NAALADL2: variants seen among roughly 807,000 people sequenced by gnomAD.
NAALADL2 encodes inactive N-acetylated-alpha-linked acidic dipeptidase-like protein 2.
Under a neutral mutation model 87.2 loss-of-function variants are expected in NAALADL2, and 76 were observed. That is an observed-to-expected ratio of 0.87 (90% CI 0.72 to 1.05). The LOEUF (loss-of-function observed/expected upper bound fraction) is 1.05. Ranked by LOEUF, NAALADL2 falls within the 50% of genes least tolerant of loss-of-function variation. The probability of loss-of-function intolerance (pLI) is 0.00; values close to 1 mark genes in which losing one functional copy is unlikely to be tolerated. For missense variants in NAALADL2, 1,089 were observed against 945.8 expected (o/e 1.15, Z -1.99); for synonymous variants, 354 against 331.0 (o/e 1.07, Z -0.75).
intron 1 of NAALADL2, among the ~76,000 whole-genome samples, chr3:174,970,392 TA>T (rs1160544670): frequency 1.3e-5 from 2 of 152,154 alleles, no homozygotes; most frequent in East Asian, 3.8e-4. Context: ...AAAAACAGAC[TA>T]AAGACCTGGA....
intron 10 of NAALADL2, among the ~76,000 whole-genome samples, chr3:175,623,395 A>G (rs1385733289): frequency 6.6e-6 from 1 of 152,098 alleles, no homozygotes; most frequent in East Asian, 1.9e-4. Context: ...TAAAATCTTG[A>G]GGTCTGCTCT....
intron 8 of NAALADL2, among the ~76,000 whole-genome samples, chr3:175,468,165 T>C (rs1315217325): frequency 4.6e-5 from 7 of 152,264 alleles, no homozygotes; most frequent in African/African-American, 1.4e-4. Context: ...AGATAGCAAG[T>C]ATCTTTTTTA....
At chr3:174,897,921 G>A (rs1414551899) in intron 1 of NAALADL2, among the ~76,000 whole-genome samples, 5 of 137,732 alleles carry the variant, frequency 3.6e-5, no homozygotes, top group African/African-American at 1.4e-4. Context: ...AGACCATCCC[G>A]GCTAAAACGG....
At chr3:174,957,994 C>T (rs1409685588) in intron 1 of NAALADL2, among the ~76,000 whole-genome samples, 1 of 151,854 alleles carries the variant, frequency 6.6e-6, no homozygotes, top group Non-Finnish European at 1.5e-5. Flanking sequence ...GACATCTTTT[C>T]TTTCTCTGAC....
chr3:175,631,189 A>C (rs1727711758), intron 11 of NAALADL2, among the ~76,000 whole-genome samples: 1 of 151,752 alleles, frequency 6.6e-6, no homozygotes, highest in Non-Finnish European at 1.5e-5. Flanking sequence ...TAATTTCTAC[A>C]TATTAGGAAG....
At position 174,978,257 on chromosome 3, in the gene NAALADL2, G is replaced by C. The variant is rs116529656; in HGVS notation, c.44-118533G>C. Among the ~76,000 whole-genome samples, 702 of 152,258 alleles carry C rather than the reference G, an allele frequency of 4.6e-3. 3 individuals are homozygous for C. Among genetic ancestry groups the C allele is most frequent in the Non-Finnish European group, 8.5e-3 (578 of 68,012 alleles). ...TGGTGGAGTTGAAACATTTTAAGTTGATATTTTCTTTCTTTCTCTTCAGTG... is the reference window on the plus strand; with the variant it reads ...TGGTGGAGTTGAAACATTTTAAGTTCATATTTTCTTTCTTTCTCTTCAGTG... On this transcript the variant is annotated intron_variant, in intron 1 of 13. Coordinates refer to ENST00000454872, the MANE Select transcript of NAALADL2 (RefSeq NM_207015.3).
intron 10 of NAALADL2, among the ~76,000 whole-genome samples, chr3:175,580,456 C>T (rs1719596967): frequency 6.6e-6 from 1 of 152,078 alleles, no homozygotes; most frequent in African/African-American, 2.4e-5. Context: ...TCTTTCATTA[C>T]ATTTTCTATT....
chr3:175,094,868 A>C (rs6791132), intron 1 of NAALADL2, among the ~76,000 whole-genome samples: 68,134 of 150,926 alleles, frequency 0.45, 15,554 homozygotes, highest in Non-Finnish European at 0.49. Flanking sequence ...CAATCCTTGA[A>C]AGTTCTATCT....
chr3:174,924,694 C>A (rs1164363827), intron 1 of NAALADL2, among the ~76,000 whole-genome samples: 1 of 152,110 alleles, frequency 6.6e-6, no homozygotes, highest in African/African-American at 2.4e-5. Context: ...TAGAAGTGTT[C>A]CTATTTGTCC....
At chr3:175,131,195 C>T (rs190702157) in intron 2 of NAALADL2, among the ~76,000 whole-genome samples, 3,009 of 142,370 alleles carry the variant, frequency 0.021, 52 homozygotes, top group Admixed American at 0.032. Context: ...GGGTGTTTCT[C>T]GCAGAGGGGG....
chr3:175,737,258 C>T (rs781727392), intron 11 of NAALADL2, 48 bp from the exon 12 acceptor site: 9 of 1,076,798 alleles, frequency 8.4e-6, no homozygotes, highest in Admixed American at 7.0e-5. Context: ...CAAATGAAAA[C>T]TCCTAATTAC....
chr3:174,933,101 G>A (rs974635447), intron 1 of NAALADL2, among the ~76,000 whole-genome samples: 1 of 152,142 alleles, frequency 6.6e-6, no homozygotes, highest in Non-Finnish European at 1.5e-5. Context: ...TGGGCAACAA[G>A]AGTGAAAGGC....
chr3:174,694,159 A>G (rs1221212384), intron 2 of NAALADL2, among the ~76,000 whole-genome samples: 1 of 152,104 alleles, frequency 6.6e-6, no homozygotes, highest in African/African-American at 2.4e-5. Context: ...CTTTTGCCAT[A>G]CATTTCCCTA....
chr3:175,674,468 G>C (rs1030691431), intron 11 of NAALADL2, among the ~76,000 whole-genome samples: 5 of 151,974 alleles, frequency 3.3e-5, no homozygotes, highest in African/African-American at 1.2e-4. Flanking sequence ...GTTTCACCAT[G>C]TTAGCCAGGA....
chr3:175,494,562 A>G (rs573747057), intron 9 of NAALADL2, among the ~76,000 whole-genome samples: 3 of 152,240 alleles, frequency 2.0e-5, no homozygotes, highest in African/African-American at 7.2e-5. Flanking sequence ...AGTTACCAGT[A>G]TCATCTCAGA....
intron 3 of NAALADL2, among the ~76,000 whole-genome samples, chr3:174,757,951 T>G (rs1712356458): frequency 6.6e-6 from 1 of 152,196 alleles, no homozygotes; most frequent in Admixed American, 6.5e-5. Flanking sequence ...GAATAGTGAG[T>G]AAAATAGTTG....
At chr3:174,838,060 A>G (rs1723571104) in intron 3 of NAALADL2, among the ~76,000 whole-genome samples, 1 of 151,504 alleles carries the variant, frequency 6.6e-6, no homozygotes, top group African/African-American at 2.4e-5. Context: ...CTACAGACCA[A>G]TATCTCTGAT....
In NAALADL2 at chr3:175,349,174, A is replaced by C. The variant is rs538976318; in HGVS notation, c.1090+24849A>C. Among the ~76,000 whole-genome samples, 27 of 151,332 alleles carry C rather than the reference A, an allele frequency of 1.8e-4. No homozygotes were observed. The East Asian group carries it at 2.0e-3, about 11-fold the overall frequency. ...AGAGAGAGAGAATCCTAATCACACA[A>C]ATAAACACATAATTCCACTGGACAA... is the stretch of plus-strand genomic sequence containing the variant. On this transcript the variant is annotated intron_variant, in intron 5 of 13. Transcript: ENST00000454872.
intron 3 of NAALADL2, among the ~76,000 whole-genome samples, chr3:174,789,085 T>C (rs1366155434): frequency 6.6e-6 from 1 of 152,214 alleles, no homozygotes; most frequent in Non-Finnish European, 1.5e-5. Flanking sequence ...CATCTTCTTT[T>C]GCTGAGGTCA....
Sources: allele counts gnomAD v4.1 joint callset (sites outside exome capture counted in the v4.1 genomes callset), GRCh38; gene constraint gnomAD v4.1.1; transcripts MANE v1.5; gene names NCBI Gene and HGNC (gene_info 2026-07-23, HGNC 2026-07-21).